LRBA: variants seen among roughly 807,000 people sequenced by gnomAD.
The protein encoded by LRBA is lipopolysaccharide-responsive and beige-like anchor protein.
Under a neutral mutation model 330.0 loss-of-function variants are expected in LRBA, and 176 were observed. That is an observed-to-expected ratio of 0.53 (90% CI 0.47 to 0.60). The LOEUF (loss-of-function observed/expected upper bound fraction) is 0.60. LRBA is among the 20% of genes least tolerant of loss of function. The pLI is 0.00. For missense variants in LRBA, 3,259 were observed against 3,444.8 expected (o/e 0.95, Z 1.35); for synonymous variants, 1,230 against 1,193.0 (o/e 1.03, Z -0.64).
At chr4:150,464,009 C>CAAAAA (rs34742965) in intron 44 of LRBA, among the ~76,000 whole-genome samples, 1 of 146,188 alleles carries the variant, frequency 6.8e-6, no homozygotes. Context: ...AACATATCCT[C>CAAAAA]AAAAAAAAAA....
intron 37 of LRBA, among the ~76,000 whole-genome samples, chr4:150,641,799 G>T (rs1466459468): frequency 6.6e-6 from 1 of 151,962 alleles, no homozygotes; most frequent in Non-Finnish European, 1.5e-5. Context: ...AAACTCTAAA[G>T]GGTTATGAGG....
At chr4:150,777,017 C>T (rs1174774220) in intron 34 of LRBA, among the ~76,000 whole-genome samples, 1 of 151,826 alleles carries the variant, frequency 6.6e-6, no homozygotes, top group Admixed American at 6.6e-5. Flanking sequence ...GTATTATAAG[C>T]TAACTATTAA....
At chr4:150,471,055 C>T (rs1167277813) in intron 43 of LRBA, among the ~76,000 whole-genome samples, 3 of 152,122 alleles carry the variant, frequency 2.0e-5, no homozygotes, top group Non-Finnish European at 4.4e-5. Context: ...ACAAGAAAAT[C>T]GTTCTTCGCA....
intron 36 of LRBA, among the ~76,000 whole-genome samples, chr4:150,695,307 G>T (rs1037821041): frequency 6.6e-6 from 1 of 152,072 alleles, no homozygotes; most frequent in African/African-American, 2.4e-5. Context: ...TACATCTACA[G>T]ATTCGACCAA....
intron 47 of LRBA, among the ~76,000 whole-genome samples, chr4:150,368,193 T>A (rs1179978440): frequency 6.6e-6 from 1 of 152,144 alleles, no homozygotes; most frequent in Non-Finnish European, 1.5e-5. Flanking sequence ...GCTCACTTCA[T>A]AATACCCCCA....
chr4:150,461,133 A>T (rs1754723881), intron 44 of LRBA, among the ~76,000 whole-genome samples: 1 of 151,810 alleles, frequency 6.6e-6, no homozygotes, highest in African/African-American at 2.4e-5. Flanking sequence ...GCAATTTGAA[A>T]AGAAAAAAAG....
chr4:150,810,441 C>T (rs1035801280), intron 31 of LRBA, among the ~76,000 whole-genome samples: 13 of 149,064 alleles, frequency 8.7e-5, no homozygotes, highest in African/African-American at 2.5e-4. Flanking sequence ...CTTTATATAC[C>T]GGAAGTTTTG....
intron 56 of LRBA, among the ~76,000 whole-genome samples, chr4:150,273,447 A>G (rs1292483948): frequency 6.6e-6 from 1 of 152,220 alleles, no homozygotes; most frequent in African/African-American, 2.4e-5. Flanking sequence ...GACAGGATCA[A>G]ATTCACACAT....
chr4:150,974,253 T>C (rs1579371667), intron 2 of LRBA, among the ~76,000 whole-genome samples: 1 of 151,556 alleles, frequency 6.6e-6, no homozygotes, highest in Non-Finnish European at 1.5e-5. Context: ...CAGATCAGAG[T>C]TCAGAGAGAA....
chr4:150,580,100 C>G, intron 40 of LRBA: 1 of 206,614 alleles, frequency 4.8e-6, no homozygotes, highest in Non-Finnish European at 9.9e-6. Flanking sequence ...GCGAGGTCCC[C>G]TAGATCCTTA....
At chr4:150,446,934 A>G (rs1752685119) in intron 44 of LRBA, among the ~76,000 whole-genome samples, 1 of 152,146 alleles carries the variant, frequency 6.6e-6, no homozygotes, top group Admixed American at 6.5e-5. Flanking sequence ...TATCTGATCT[A>G]TATGGTGGGG....
chr4:150,963,526 G>C lies in LRBA; in HGVS notation c.217-34461C>G, dbSNP rs183372033. Reference sequence around the variant, plus strand: ...GGCTGGAGTGCAGTGGCGTGATCTCGAATCGCTACAACCTCCACCTCCCAG... The same window carrying C: ...GGCTGGAGTGCAGTGGCGTGATCTCCAATCGCTACAACCTCCACCTCCCAG... On this transcript the variant is annotated intron_variant, in intron 2 of 56. Transcript: ENST00000651943. 8.7e-3 allele frequency among the ~76,000 whole-genome samples: 1,303 copies of C among 149,552 alleles called. 27 individuals carry two copies. The highest frequency in any genetic ancestry group is 0.013 in the Non-Finnish European group (912 of 68,024).
In LRBA at chr4:150,310,251, G is replaced by C; in HGVS notation, c.7827C>G (p.Phe2609Leu). 1 of 1,612,202 alleles carries C rather than the reference G, an allele frequency of 6.2e-7. No homozygotes were observed. Among genetic ancestry groups the C allele is most frequent in the Non-Finnish European group, 8.5e-7 (1 of 1,178,536 alleles). Residue 2609 changes from phenylalanine (F) to leucine (L), a missense_variant, in exon 52 of 57, where the codon TTC becomes TTG. Phe to Leu is a conservative substitution (Grantham distance 22). Transcript: ENST00000651943. ...TACCTGTGTCTGTAGAATAGACTCTGAAACTTTTATCCCAGAAGCCACAGA... is the reference window on the plus strand; with the variant it reads ...TACCTGTGTCTGTAGAATAGACTCTCAAACTTTTATCCCAGAAGCCACAGA... ...ILVCGFWDKS[F>L]RVYSTDTGRL... is the part of the protein sequence containing the mutation.
intron 2 of LRBA, among the ~76,000 whole-genome samples, chr4:150,944,837 C>T (rs896783141): frequency 6.6e-6 from 1 of 152,172 alleles, no homozygotes; most frequent in African/African-American, 2.4e-5. Context: ...GTGGGAAGGA[C>T]CCAGTGGTGG....
At chr4:150,540,222 T>C (rs62344740) in intron 40 of LRBA, among the ~76,000 whole-genome samples, 29 of 151,914 alleles carry the variant, frequency 1.9e-4, no homozygotes, top group Non-Finnish European at 3.8e-4. Context: ...TTTATGGGTG[T>C]TGTTGTTGTT....
chr4:150,456,514 T>C (rs1366373090), intron 44 of LRBA, among the ~76,000 whole-genome samples: 2 of 152,114 alleles, frequency 1.3e-5, no homozygotes, highest in South Asian at 2.1e-4. Flanking sequence ...ATTTAAAAAA[T>C]TGGATTATGA....
At chr4:150,432,751 T>A (rs998646620) in intron 46 of LRBA, among the ~76,000 whole-genome samples, 1 of 152,064 alleles carries the variant, frequency 6.6e-6, no homozygotes, top group Non-Finnish European at 1.5e-5. Flanking sequence ...TATAATAATT[T>A]AAATATACTT....
chr4:150,529,559 T>A (rs951708720), intron 40 of LRBA, among the ~76,000 whole-genome samples: 5 of 151,904 alleles, frequency 3.3e-5, no homozygotes, highest in African/African-American at 9.7e-5. Flanking sequence ...CTACTAAGAA[T>A]ACAAAAATTA....
At chr4:150,728,589 G>A (rs1429669976) in intron 36 of LRBA, among the ~76,000 whole-genome samples, 1 of 151,476 alleles carries the variant, frequency 6.6e-6, no homozygotes, top group African/African-American at 2.4e-5. Flanking sequence ...ACAGAATGAA[G>A]GATAAAAAAA....
Sources: allele counts gnomAD v4.1 joint callset (sites outside exome capture counted in the v4.1 genomes callset), GRCh38; gene constraint gnomAD v4.1.1; transcripts MANE v1.5; gene names NCBI Gene and HGNC (gene_info 2026-07-23, HGNC 2026-07-21).